URM1: variants seen among roughly 807,000 people sequenced by gnomAD.
The protein encoded by URM1 is ubiquitin-related modifier 1.
Under a neutral mutation model 17.7 loss-of-function variants are expected in URM1, and 11 were observed. That is an observed-to-expected ratio of 0.62 (90% CI 0.39 to 1.03). The LOEUF (loss-of-function observed/expected upper bound fraction) is 1.03, where lower values mean the gene tolerates loss of function less well. Ranked by LOEUF, URM1 falls within the 50% of genes least tolerant of loss-of-function variation. The pLI, the probability that URM1 is intolerant of heterozygous loss-of-function variation, is 0.00. For synonymous variants in URM1, 48 were observed against 50.6 expected (o/e 0.95, Z 0.22); for missense variants, 128 against 129.2 (o/e 0.99, Z 0.04).
At chr9:128,374,485 C>T (rs12349311) in intron 1 of URM1, among the ~76,000 whole-genome samples, 7,243 of 144,038 alleles carry the variant, frequency 0.05, 311 homozygotes, top group African/African-American at 0.12. Flanking sequence ...CAGGAGAAAA[C>T]GAGGCTCTTG....
chr9:128,389,412 C>T (rs1472960576), intron 4 of URM1, 103 bp downstream of exon 4: 6 of 1,606,486 alleles, frequency 3.7e-6, no homozygotes, highest in Non-Finnish European at 4.2e-6. Context: ...GCTGGGTAAT[C>T]CTCCGCCCCA....
At chr9:128,381,361 G>A (rs1833157501) in intron 2 of URM1, among the ~76,000 whole-genome samples, 1 of 152,176 alleles carries the variant, frequency 6.6e-6, no homozygotes, top group Non-Finnish European at 1.5e-5. Context: ...AAGGGTACTT[G>A]AATAGGACTA....
intron 2 of URM1, among the ~76,000 whole-genome samples, chr9:128,384,615 A>G (rs1588585182): frequency 6.6e-6 from 1 of 152,288 alleles, no homozygotes; most frequent in Admixed American, 6.5e-5. Flanking sequence ...GCCACTGGGC[A>G]GAGCGTGCAG....
At chr9:128,379,478 T>A (rs954892520) in intron 2 of URM1, among the ~76,000 whole-genome samples, 1 of 148,634 alleles carries the variant, frequency 6.7e-6, no homozygotes, top group Non-Finnish European at 1.5e-5. Flanking sequence ...AGACTCCGTC[T>A]CAAAAAAAGA....
chr9:128,389,767 G>A lies in URM1; in HGVS notation c.*33G>A, dbSNP rs764451819. 6.8e-6 allele frequency: 11 copies of A among 1,613,010 alleles called. No homozygotes were observed. Among genetic ancestry groups the A allele is most frequent in the South Asian group, 4.4e-5 (4 of 91,048 alleles). ...TCTCTGGGCCTGGGCACCCTTAGAGGGGAGAACGAAGCAATCAGACATCCC... is the reference window on the plus strand; with the variant it reads ...TCTCTGGGCCTGGGCACCCTTAGAGAGGAGAACGAAGCAATCAGACATCCC... On this transcript the variant is annotated 3_prime_UTR_variant, in exon 5 of 5. Transcript: ENST00000372853.
Position 128,387,986 on chromosome 9 carries a change from T to C in URM1, c.188+89T>C. ...CCTCGGGTTCAGTCCTGGCCTTCTC[T>C]GAATCCGGTTCTCCCCTTCCTCCTC... On this transcript the variant is annotated intron_variant, in intron 3 of 4. Transcript: ENST00000372853. The surrounding 1 kb of genome is among the most constrained non-coding windows in gnomAD (Gnocchi z 4.3). 1.9e-6 allele frequency: 3 copies of C among 1,543,848 alleles called. No homozygotes were observed. The highest frequency in any genetic ancestry group is 2.3e-5 in the East Asian group (1 of 42,664).
chr9:128,386,178 C>G (rs1043120457), intron 2 of URM1, among the ~76,000 whole-genome samples: 2 of 152,322 alleles, frequency 1.3e-5, no homozygotes, highest in Middle Eastern at 3.4e-3. Flanking sequence ...AGGCACACCC[C>G]CGCCCGCTAG....
chr9:128,373,273 A>T (rs1202720720), intron 1 of URM1, among the ~76,000 whole-genome samples: 1 of 150,286 alleles, frequency 6.7e-6, no homozygotes, highest in Non-Finnish European at 1.5e-5. Context: ...CATGATGCTC[A>T]ACCCAGGTTC....
chr9:128,371,344 G>A (rs1833008658), upstream of URM1: 4 of 1,610,236 alleles, frequency 2.5e-6, no homozygotes, highest in Non-Finnish European at 3.4e-6. Flanking sequence ...CGCGCCGGAA[G>A]TTGAGGGGAG....
intron 2 of URM1, among the ~76,000 whole-genome samples, chr9:128,383,033 G>T (rs1259150450): frequency 6.6e-6 from 1 of 152,074 alleles, no homozygotes; most frequent in Non-Finnish European, 1.5e-5. Flanking sequence ...TTGTGTTAAA[G>T]GGTGGCTGGT....
intron 2 of URM1, among the ~76,000 whole-genome samples, chr9:128,384,938 AGTAATG>A (rs1833207209): frequency 6.6e-6 from 1 of 152,112 alleles, no homozygotes; most frequent in African/African-American, 2.4e-5. Context: ...TGTCCACTCA[AGTAATG>A]GTAATGGTAG....
chr9:128,389,975 T>A lies in URM1; in HGVS notation c.*241T>A, dbSNP rs1833288164. Reference sequence around the variant, plus strand: ...GCACTCCCTTTTCCAGCAGCTGTGGTGGGGGAGGGTTCCCCTCCAGTTTGT... The same window carrying A: ...GCACTCCCTTTTCCAGCAGCTGTGGAGGGGGAGGGTTCCCCTCCAGTTTGT... On this transcript the variant is annotated 3_prime_UTR_variant, in exon 5 of 5. Coordinates refer to ENST00000372853, the MANE Select transcript of URM1 (RefSeq NM_030914.4). 1.7e-6 allele frequency: 1 copy of A among 573,128 alleles called. No homozygotes were observed. 35.5% of individuals were successfully genotyped at this position (573,128 alleles called of 1,614,324 possible). A position where few individuals can be genotyped will look rare whatever the true frequency, so the allele number is the denominator to read the frequency against.
rs1181991215 is a variant in URM1, at chr9:128,390,337, C to T, written c.*603C>T. On this transcript the variant is annotated 3_prime_UTR_variant, in exon 5 of 5. Coordinates refer to ENST00000372853, the MANE Select transcript of URM1 (RefSeq NM_030914.4). ...GCCACACCCCTCCTGCTCCCCCCAC[C>T]CCTAGCCCTTGACCCTGGCTGGCCT... 1 of 153,846 alleles carries T rather than the reference C, an allele frequency of 6.5e-6. No homozygotes were observed. The highest frequency in any genetic ancestry group is 2.4e-5 in the African/African-American group (1 of 41,462). 9.5% of individuals were successfully genotyped at this position (153,846 alleles called of 1,614,324 possible). A position where few individuals can be genotyped will look rare whatever the true frequency, so the allele number is the denominator to read the frequency against.
intron 2 of URM1, among the ~76,000 whole-genome samples, chr9:128,383,364 C>A (rs1051986149): frequency 6.6e-6 from 1 of 152,142 alleles, no homozygotes; most frequent in Admixed American, 6.5e-5. Flanking sequence ...CCCTCCACCC[C>A]CTCTCCTCTG....
chr9:128,379,573 G>A (rs1008516876), intron 2 of URM1, among the ~76,000 whole-genome samples: 1 of 152,164 alleles, frequency 6.6e-6, no homozygotes, highest in Non-Finnish European at 1.5e-5. Flanking sequence ...GCCAAGGCGG[G>A]TGGATCACGA....
chr9:128,385,519 G>A (rs1833214975), intron 2 of URM1, among the ~76,000 whole-genome samples: 1 of 152,250 alleles, frequency 6.6e-6, no homozygotes, highest in Middle Eastern at 3.4e-3. Flanking sequence ...GAAGACAAGA[G>A]GACACAGAGT....
Position 128,389,690 on chromosome 9 carries a change from G to A in URM1, c.262G>A (p.Asp88Asn). 1 of 1,613,478 alleles carries A rather than the reference G, an allele frequency of 6.2e-7. No individual in the cohort carries two copies. The highest frequency in any genetic ancestry group is 8.5e-7 in the Non-Finnish European group (1 of 1,179,994). The change falls in exon 5 of 5, where the codon GAC becomes AAC. Residue 88 changes from aspartate to asparagine, a missense_variant. Asp to Asn is a conservative substitution (Grantham distance 23). Transcript: ENST00000372853. ...GGGTGAGCTGGACTACCAGCTTCAG[G>A]ACCAGGACAGCGTCCTCTTCATCTC... ...LLGELDYQLQ[D>N]QDSVLFISTL...
rs1032767923 is a variant in URM1 at position 128,385,565 on chromosome 9, A to G, written c.107-2251A>G. 3.3e-5 allele frequency among the ~76,000 whole-genome samples: 5 copies of G among 152,122 alleles called. No individual in the cohort carries two copies. In the South Asian group the frequency reaches 1.0e-3, roughly 32 times the overall value. Reference sequence around the variant, plus strand: ...AAGTGAGAGTCTCCAGCCCCTATCTATCACAGAGCCATCCATCCCCAAGCC... The same window carrying G: ...AAGTGAGAGTCTCCAGCCCCTATCTGTCACAGAGCCATCCATCCCCAAGCC... On this transcript the variant is annotated intron_variant, in intron 2 of 4. Coordinates refer to ENST00000372853, the MANE Select transcript of URM1 (RefSeq NM_030914.4).
chr9:128,382,647 T>C (rs976121343), intron 2 of URM1, among the ~76,000 whole-genome samples: 2 of 152,188 alleles, frequency 1.3e-5, no homozygotes, highest in Non-Finnish European at 2.9e-5. Context: ...CACTTATTCC[T>C]GCCAGACTCT....
Sources: gnomAD v4.1 joint callset for allele counts (sites outside exome capture counted in the v4.1 genomes callset) on GRCh38, gnomAD v4.1.1 for gene constraint, Gnocchi (gnomAD v3.1) non-coding constraint, MANE v1.5 for transcripts, NCBI Gene and HGNC (gene_info 2026-07-23, HGNC 2026-07-21) for gene names.